Variants in CAB39 observed in about 807,000 individuals in gnomAD.
CAB39 encodes calcium-binding protein 39.
Under a neutral mutation model 40.0 loss-of-function variants are expected in CAB39, and 8 were observed. The ratio of observed to expected loss-of-function variants is 0.20; its 90% CI spans 0.12 to 0.36. The LOEUF (loss-of-function observed/expected upper bound fraction) is 0.36. Among genes scored for constraint, CAB39 ranks in the 10% least tolerant of loss-of-function variants. The probability of loss-of-function intolerance (pLI) is 1.00; values close to 1 mark genes in which losing one functional copy is unlikely to be tolerated. For synonymous variants in CAB39, 156 were observed against 141.6 expected, an observed-to-expected ratio of 1.10 and a Z score of -0.72; for missense variants, 270 against 401.1, an observed-to-expected ratio of 0.67 and a Z score of 2.79.
At chr2:230,731,323 AAG>A (rs1349010312) in intron 1 of CAB39, among the ~76,000 whole-genome samples, 1 of 152,214 alleles carries the variant, frequency 6.6e-6, no homozygotes, top group Non-Finnish European at 1.5e-5. Flanking sequence ...CTTTCTGGGA[AAG>A]AGTTTGGTCC....
chr2:230,718,789 G>T (rs1463569742), intron 1 of CAB39, among the ~76,000 whole-genome samples: 1 of 152,196 alleles, frequency 6.6e-6, no homozygotes, highest in Non-Finnish European at 1.5e-5. Context: ...GAGGCCCACC[G>T]TAACTAGAGC....
chr2:230,784,116 C>T (rs756991307), intron 2 of CAB39, among the ~76,000 whole-genome samples: 18 of 152,048 alleles, frequency 1.2e-4, no homozygotes, highest in Admixed American at 3.3e-4. Flanking sequence ...TGATGGTAGA[C>T]GGGGATAAAT....
intron 1 of CAB39, among the ~76,000 whole-genome samples, chr2:230,715,582 C>T (rs968205625): frequency 6.6e-6 from 1 of 152,172 alleles, no homozygotes; most frequent in East Asian, 1.9e-4. Flanking sequence ...TACACTAGGG[C>T]CATCCATATA....
At chr2:230,793,998 G>A (rs1695935316) in intron 4 of CAB39, among the ~76,000 whole-genome samples, 1 of 152,156 alleles carries the variant, frequency 6.6e-6, no homozygotes, top group South Asian at 2.1e-4. Context: ...GACTGGCAAG[G>A]TAACCTCCTG....
intron 2 of CAB39, among the ~76,000 whole-genome samples, chr2:230,786,033 G>A (rs1426652024): frequency 3.3e-5 from 5 of 151,450 alleles, no homozygotes; most frequent in African/African-American, 9.7e-5. Flanking sequence ...GTGTTGTGGC[G>A]GGTGCCTGTA....
intron 1 of CAB39, among the ~76,000 whole-genome samples, chr2:230,745,249 C>T (rs746315264): frequency 1.2e-4 from 18 of 152,090 alleles, no homozygotes; most frequent in Admixed American, 4.6e-4. Context: ...GTTTTAGGAT[C>T]GTGGAGAATG....
At chr2:230,799,542 C>T (rs781623799) in intron 5 of CAB39, among the ~76,000 whole-genome samples, 3 of 152,202 alleles carry the variant, frequency 2.0e-5, no homozygotes, top group Non-Finnish European at 2.9e-5. Context: ...CACTGTACAA[C>T]GTGCAGATTC....
chr2:230,776,422 A>C (rs760827446), intron 2 of CAB39, among the ~76,000 whole-genome samples: 3 of 152,244 alleles, frequency 2.0e-5, no homozygotes, highest in Non-Finnish European at 2.9e-5. Flanking sequence ...GGGCTTGTTC[A>C]GATTTCACCA....
At chr2:230,734,555 CT>C (rs1018613174) in intron 1 of CAB39, among the ~76,000 whole-genome samples, 113 of 152,316 alleles carry the variant, frequency 7.4e-4, no homozygotes, top group African/African-American at 2.6e-3. Flanking sequence ...TAGAATGACC[CT>C]ATGACCCTTC....
intron 6 of CAB39, among the ~76,000 whole-genome samples, chr2:230,813,313 CAGTGACCGCTGTTT>C: frequency 6.6e-6 from 1 of 152,300 alleles, no homozygotes; most frequent in Admixed American, 6.5e-5. Context: ...CCACTCTTGT[CAGTGACCGCTGTTT>C]TGAAGGTCTA....
At chr2:230,804,510 A>G (rs1696154351) in intron 5 of CAB39, among the ~76,000 whole-genome samples, 1 of 152,236 alleles carries the variant, frequency 6.6e-6, no homozygotes, top group Admixed American at 6.5e-5. Flanking sequence ...ACAAAGGGCT[A>G]ATATCCAGAA....
At chr2:230,817,261 CTG>C (rs1204126379) in intron 7 of CAB39, among the ~76,000 whole-genome samples, 2 of 152,162 alleles carry the variant, frequency 1.3e-5, no homozygotes, top group African/African-American at 2.4e-5. Context: ...AAAACGATAA[CTG>C]TGGCATGTGC....
chr2:230,727,977 G>A (rs188487373), intron 1 of CAB39, among the ~76,000 whole-genome samples: 10 of 152,244 alleles, frequency 6.6e-5, no homozygotes, highest in Admixed American at 3.9e-4. Flanking sequence ...GGTGGCTCAC[G>A]CCTGGAATCC....
At chr2:230,811,789 A>G (rs1009857381) in intron 6 of CAB39, among the ~76,000 whole-genome samples, 2 of 152,254 alleles carry the variant, frequency 1.3e-5, no homozygotes, top group African/African-American at 4.8e-5. Flanking sequence ...CATCACCACA[A>G]AGATTTTTCA....
At chr2:230,777,891 G>A (rs1435914633) in intron 2 of CAB39, among the ~76,000 whole-genome samples, 5 of 152,184 alleles carry the variant, frequency 3.3e-5, no homozygotes, top group African/African-American at 4.8e-5. Flanking sequence ...TTCACAGGAA[G>A]TTGCAGAAAT....
intron 1 of CAB39, among the ~76,000 whole-genome samples, chr2:230,717,714 T>G (rs1481356504): frequency 1.3e-5 from 2 of 152,212 alleles, no homozygotes; most frequent in African/African-American, 4.8e-5. Context: ...AACAGCTAGT[T>G]GCCATCTGCA....
chr2:230,754,861 C>T (rs1695162497), intron 1 of CAB39, among the ~76,000 whole-genome samples: 1 of 152,172 alleles, frequency 6.6e-6, no homozygotes, highest in Non-Finnish European at 1.5e-5. Flanking sequence ...CCACAAGTCC[C>T]CAAAGTCCAT....
chr2:230,775,294 G>T (rs1214841993), intron 2 of CAB39, among the ~76,000 whole-genome samples: 2 of 150,616 alleles, frequency 1.3e-5, no homozygotes, highest in African/African-American at 4.9e-5. Context: ...GGAGTGTAGT[G>T]GTGTGATCTC....
At chr2:230,725,181 G>A (rs973041851) in intron 1 of CAB39, 132 of 1,611,800 alleles carry the variant, frequency 8.2e-5, no homozygotes, top group African/African-American at 2.1e-4. Context: ...AGGCAGTCCC[G>A]GGACTGCTTG....
Sources: allele counts gnomAD v4.1 joint callset (sites outside exome capture counted in the v4.1 genomes callset), GRCh38; gene constraint gnomAD v4.1.1; transcripts MANE v1.5; gene names NCBI Gene and HGNC (gene_info 2026-07-23, HGNC 2026-07-21).